The following AKAP8 variants were observed in gnomAD, a reference collection of about 807,000 sequenced individuals.
AKAP8 encodes the protein A-kinase anchoring protein 8, also known as A-kinase anchor protein 8.
Under a neutral mutation model 67.5 loss-of-function variants are expected in AKAP8, and 24 were observed. That is an observed-to-expected ratio of 0.36 (90% CI 0.26 to 0.50). The LOEUF (loss-of-function observed/expected upper bound fraction) is 0.50. AKAP8 is among the 20% of genes least tolerant of loss of function. The pLI, the probability that AKAP8 is intolerant of heterozygous loss-of-function variation, is 0.97. For synonymous variants in AKAP8, 400 were observed against 371.1 expected (o/e 1.08, Z -0.90); for missense variants, 971 against 955.9 (o/e 1.02, Z -0.21).
intron 13 of AKAP8, 132 bp downstream of exon 13, chr19:15,358,835 C>T: frequency 2.5e-6 from 2 of 787,828 alleles, no homozygotes; most frequent in African/African-American, 1.7e-5. Context: ...GAGCTTGATG[C>T]ATTCCAGTGT....
chr19:15,366,850 C>G (rs549331463), intron 9 of AKAP8, among the ~76,000 whole-genome samples: 35 of 152,260 alleles, frequency 2.3e-4, no homozygotes, highest in African/African-American at 8.2e-4. Flanking sequence ...CTCAGGTGAT[C>G]CGCCTGCCTT....
Position 15,364,857 on chromosome 19 carries a change from G to A in AKAP8, c.1161-2606C>T, listed in dbSNP as rs527819976. ...TGTTCTCAAACTCCTGGGCTCAAGC[G>A]ATCCTCCCACCTCAGCCTCCCAAGT... On this transcript the variant is annotated intron_variant, in intron 9 of 13. Transcript: ENST00000269701. 4.5e-4 allele frequency among the ~76,000 whole-genome samples: 69 copies of A among 152,238 alleles called. 1 individual carries two copies. Among genetic ancestry groups the A allele is most frequent in the Non-Finnish European group, 7.4e-4 (50 of 68,008 alleles).
chr19:15,379,461 G>C, intron 1 of AKAP8: 3 of 458,306 alleles, frequency 6.5e-6, no homozygotes, highest in Non-Finnish European at 1.1e-5. Flanking sequence ...GAAGCCCACC[G>C]CGGCGTCTGC....
chr19:15,359,138 G>C (rs75778371), intron 12 of AKAP8, 76 bp from the exon 13 acceptor site: 1 of 1,321,394 alleles, frequency 7.6e-7, no homozygotes, highest in African/African-American at 1.5e-5. Flanking sequence ...AGGCTCTGCC[G>C]AGTCATCCTG....
rs1030051016 is a variant in AKAP8, at chr19:15,373,268, G to C, written c.444C>G (p.Pro148=). Reference sequence around the variant, plus strand: ...CGAACTCATAGTCGTAGCTGTAGCTGGGGCGGTAGGGGTTGTGCTCCGGCA... The same window carrying C: ...CGAACTCATAGTCGTAGCTGTAGCTCGGGCGGTAGGGGTTGTGCTCCGGCA... ...PCLPEHNPYR[P]SYSYDYEFDL... is the part of the protein sequence containing the mutation. The change falls in exon 5 of 14, where the codon CCC becomes CCG. Residue 148 remains proline, a synonymous_variant. Coordinates refer to ENST00000269701, the MANE Select transcript of AKAP8 (RefSeq NM_005858.4). 22 of 1,613,914 alleles carry C rather than the reference G, an allele frequency of 1.4e-5. No individual in the cohort carries two copies. The highest frequency in any genetic ancestry group is 2.7e-5 in the African/African-American group (2 of 75,058).
intron 2 of AKAP8, among the ~76,000 whole-genome samples, chr19:15,375,361 C>T (rs144585200): frequency 1.1e-3 from 162 of 152,310 alleles, no homozygotes; most frequent in African/African-American, 3.2e-3. Context: ...TTTCGAATTT[C>T]GGTGCCCATA....
chr19:15,370,109 G>A (rs375868421), intron 8 of AKAP8, 37 bp downstream of exon 8: 3 of 1,613,312 alleles, frequency 1.9e-6, no homozygotes, highest in African/African-American at 1.3e-5. Flanking sequence ...CAGCTGGGAA[G>A]ACACAGGAAA....
At chr19:15,359,770 G>A (rs1966935624) in intron 12 of AKAP8, among the ~76,000 whole-genome samples, 1 of 152,050 alleles carries the variant, frequency 6.6e-6, no homozygotes, top group African/African-American at 2.4e-5. Context: ...ACTGCACCAA[G>A]TCTCTGTTTT....
At position 15,362,268 on chromosome 19, in the gene AKAP8, A is replaced by G. The variant is rs757505259; in HGVS notation, c.1161-17T>C. 3.1e-6 allele frequency: 5 copies of G among 1,613,658 alleles called. No individual in the cohort carries two copies. Among genetic ancestry groups the G allele is most frequent in the African/African-American group, 1.3e-5 (1 of 74,914 alleles). The stretch of plus-strand genomic sequence containing the variant: ...AACTGAATTCTGTAGAAGGAAAACA[A>G]GGAGGGGAGTGAAGCAGGGAGCATC... On this transcript the variant is annotated splice_polypyrimidine_tract_variant and intron_variant, in intron 9 of 13. Coordinates refer to ENST00000269701, the MANE Select transcript of AKAP8 (RefSeq NM_005858.4).
At chr19:15,364,335 G>A (rs1386093030) in intron 9 of AKAP8, among the ~76,000 whole-genome samples, 1 of 148,724 alleles carries the variant, frequency 6.7e-6, no homozygotes, top group East Asian at 2.0e-4. Flanking sequence ...CTAAATTTTT[G>A]TATTTTTATT....
At chr19:15,355,790 G>A in intron 13 of AKAP8, among the ~76,000 whole-genome samples, 1 of 151,272 alleles carries the variant, frequency 6.6e-6, no homozygotes, top group Non-Finnish European at 1.5e-5. Flanking sequence ...AGGATGGAGT[G>A]CAATGGCGCG....
chr19:15,361,544 G>C (rs907581721), intron 11 of AKAP8, 185 bp downstream of exon 11: 1 of 524,204 alleles, frequency 1.9e-6, no homozygotes, highest in Admixed American at 3.3e-5. Flanking sequence ...AGTAGAGACG[G>C]GGTTTCACCG....
At chr19:15,358,592 A>G (rs972498902) in intron 13 of AKAP8, among the ~76,000 whole-genome samples, 1 of 152,114 alleles carries the variant, frequency 6.6e-6, no homozygotes, top group African/African-American at 2.4e-5. Flanking sequence ...CACTCACTGT[A>G]GCCTCAAATT....
Position 15,372,914 on chromosome 19 carries a change from G to A in AKAP8, c.798C>T (p.Gly266=), listed in dbSNP as rs955915521. Residue 266 remains glycine, a synonymous_variant, in exon 5 of 14, where the codon GGC becomes GGT. Transcript: ENST00000269701. ...ATCCGTAGGGCATGGTGCTGTCATA[G>A]CCGCCCGCCCCCTGCATGCCCATCA... is the stretch of plus-strand genomic sequence containing the variant. ...YGVMGMQGAG[G]YDSTMPYGCG... 2.6e-6 allele frequency: 4 copies of A among 1,520,514 alleles called. No homozygotes were observed. The highest frequency in any genetic ancestry group is 2.8e-5 in the African/African-American group (2 of 71,888). The allele number at this position is 1,520,514 out of a possible 1,614,324, so 94.2% of individuals were successfully genotyped here. A position where few individuals can be genotyped will look rare whatever the true frequency, so the allele number is the denominator to read the frequency against.
intron 2 of AKAP8, among the ~76,000 whole-genome samples, chr19:15,376,087 G>A (rs143487387): frequency 7.3e-4 from 111 of 152,060 alleles, no homozygotes; most frequent in African/African-American, 2.5e-3. Flanking sequence ...GCACTGCCAC[G>A]CCCCACTAAT....
In AKAP8 at chr19:15,362,237, C is replaced by T; in HGVS notation, c.1175G>A (p.Cys392Tyr). The T allele has an allele frequency of 6.2e-7, 1 of 1,614,080 alleles. No individual in the cohort carries two copies. Among genetic ancestry groups the T allele is most frequent in the Non-Finnish European group, 8.5e-7 (1 of 1,180,002 alleles). ...AAAGCTACGGAACTTGCATACAGAA[C>T]AGGCAAACTGAATTCTGTAGAAGGA... Reference protein sequence around the residue: ...DRAADRIQFACSVCKFRSFDD... With the variant: ...DRAADRIQFAYSVCKFRSFDD... The change falls in exon 10 of 14, where the codon TGT becomes TAT. Residue 392 changes from cysteine to tyrosine, a missense_variant. Coordinates refer to ENST00000269701, the MANE Select transcript of AKAP8 (RefSeq NM_005858.4).
chr19:15,370,302 C>G (rs768655589), intron 7 of AKAP8, 123 bp from the exon 8 acceptor site: 1 of 1,070,836 alleles, frequency 9.3e-7, no homozygotes, highest in Non-Finnish European at 1.4e-6. Flanking sequence ...GCTATGCCAC[C>G]AAGAATGAGC....
In AKAP8 at chr19:15,354,646, C is replaced by T. The variant is rs2048265187; in HGVS notation, c.*269G>A. The stretch of plus-strand genomic sequence containing the variant: ...TATCATCAAGATATAATCACCCAAC[C>T]TTTATTATTCCAAGTGCACTACTGT... On this transcript the variant is annotated 3_prime_UTR_variant, in exon 14 of 14. Transcript: ENST00000269701. 6.2e-6 allele frequency: 3 copies of T among 484,016 alleles called. No individual in the cohort carries two copies. The South Asian group carries it at 1.0e-4, about 17-fold the overall frequency. 30.0% of individuals were successfully genotyped at this position (484,016 alleles called of 1,614,324 possible).
rs61755984 is a variant in AKAP8 at position 15,362,239 on chromosome 19, G to A, written c.1173C>T (p.Ala391=). 1.1e-3 allele frequency: 1,734 copies of A among 1,614,074 alleles called. 17 individuals are homozygous for A. In the African/African-American group the frequency reaches 0.021, roughly 19 times the overall value. Residue 391 remains alanine, a synonymous_variant, in exon 10 of 14, where the codon GCC becomes GCT. Transcript: ENST00000269701. ...AGCTACGGAACTTGCATACAGAACA[G>A]GCAAACTGAATTCTGTAGAAGGAAA... ...RDRAADRIQF[A]CSVCKFRSFD...
Sources: gnomAD v4.1 joint callset for allele counts (sites outside exome capture counted in the v4.1 genomes callset) on GRCh38, gnomAD v4.1.1 for gene constraint, MANE v1.5 for transcripts, NCBI Gene and HGNC (gene_info 2026-07-23, HGNC 2026-07-21) for gene names.